CACHD1: variants seen among roughly 807,000 people sequenced by gnomAD.
CACHD1 encodes cache domain containing 1.
Under a neutral mutation model 138.7 loss-of-function variants are expected in CACHD1, and 71 were observed. The observed-to-expected ratio is 0.51, with a 90% CI of 0.42 to 0.62. The LOEUF (loss-of-function observed/expected upper bound fraction) is 0.62, where lower values mean the gene tolerates loss of function less well. CACHD1 is among the 20% of genes least tolerant of loss of function. CACHD1 has a pLI of 0.00. For synonymous variants in CACHD1, 578 were observed against 591.5 expected (o/e 0.98, Z 0.33); for missense variants, 1,389 against 1,625.3 (o/e 0.85, Z 2.50).
At position 64,509,241 on chromosome 1, in the gene CACHD1, G is replaced by A. The variant is rs9786947; in HGVS notation, c.198+38299G>A. On this transcript the variant is annotated intron_variant, in intron 1 of 26. Transcript: ENST00000651257. ...AGGCTCTATAACTCCCTCTACCTTG[G>A]CATCTTTCATGCCTGTGTTACCCGC... Among the ~76,000 whole-genome samples, 5 of 152,192 alleles carry A rather than the reference G, an allele frequency of 3.3e-5. No homozygotes were observed. The East Asian group carries it at 9.7e-4, about 29-fold the overall frequency.
At chr1:64,585,154 C>G (rs1373261097) in intron 3 of CACHD1, among the ~76,000 whole-genome samples, 1 of 152,152 alleles carries the variant, frequency 6.6e-6, no homozygotes, top group East Asian at 1.9e-4. Context: ...TGGTAAGATG[C>G]AGCCATGCTG....
At chr1:64,602,383 C>T (rs1352722550) in intron 3 of CACHD1, among the ~76,000 whole-genome samples, 1 of 151,980 alleles carries the variant, frequency 6.6e-6, no homozygotes, top group Non-Finnish European at 1.5e-5. Flanking sequence ...ACCTTCACTA[C>T]TGTCTATTTT....
chr1:64,479,926 C>G (rs1460110859), intron 1 of CACHD1, among the ~76,000 whole-genome samples: 9 of 152,188 alleles, frequency 5.9e-5, no homozygotes, highest in Admixed American at 3.3e-4. Context: ...AAGCTTAGAA[C>G]CTAGAAAACT....
intron 1 of CACHD1, among the ~76,000 whole-genome samples, chr1:64,477,870 G>T (rs7524498): frequency 6.7e-6 from 1 of 149,944 alleles, no homozygotes; most frequent in Non-Finnish European, 1.5e-5. Flanking sequence ...TCCTGACCTC[G>T]TGATCCACCC....
In CACHD1 at chr1:64,641,828, A is replaced by G. The variant is rs201561053; in HGVS notation, c.1015A>G (p.Met339Val). The G allele has an allele frequency of 6.8e-5, 96 of 1,403,638 alleles. No individual in the cohort carries two copies. Among genetic ancestry groups the G allele is most frequent in the Admixed American group, 4.6e-4 (20 of 43,658 alleles). The allele number at this position is 1,403,638 out of a possible 1,614,324, so 86.9% of individuals were successfully genotyped here. ...GATGTGTTTTTGTTTAGATACAGAC[A>G]TGGTCATCATTTACCTGTCAGCTGG... ...NNTKFQANTD[M>V]VIIYLSAGIT... The change falls in exon 8 of 27, where the codon ATG becomes GTG. Residue 339 changes from methionine (M) to valine (V), a missense_variant. Physicochemically the swap from Met to Val is conservative, Grantham distance 21. Coordinates refer to ENST00000651257, the MANE Select transcript of CACHD1 (RefSeq NM_020925.4).
chr1:64,528,224 G>T (rs1456423381), intron 1 of CACHD1, among the ~76,000 whole-genome samples: 1 of 152,172 alleles, frequency 6.6e-6, no homozygotes, highest in South Asian at 2.1e-4. Flanking sequence ...TTTCTGAAAG[G>T]AGGTCCAGCT....
In CACHD1 at chr1:64,614,174, A is replaced by C. The variant is rs559931719; in HGVS notation, c.517+11262A>C. ...TTGTCAAGTATTCACTAAGTACTAG[A>C]CCCCTGGCTGGGCATCTCCCTGTGC... On this transcript the variant is annotated intron_variant, in intron 4 of 26. Coordinates refer to ENST00000651257, the MANE Select transcript of CACHD1 (RefSeq NM_020925.4). Among the ~76,000 whole-genome samples, 3 of 152,292 alleles carry C rather than the reference A, an allele frequency of 2.0e-5. No individual in the cohort carries two copies. The East Asian group carries it at 5.8e-4, about 29-fold the overall frequency.
chr1:64,530,869 TA>T (rs1393982978), intron 1 of CACHD1, among the ~76,000 whole-genome samples: 152 of 114,096 alleles, frequency 1.3e-3, no homozygotes, highest in South Asian at 2.7e-3. Flanking sequence ...AGACTCTGTC[TA>T]AAAAAAAAAA....
At chr1:64,671,463 G>A in intron 16 of CACHD1, 101 bp from the exon 17 acceptor site, 1 of 1,208,688 alleles carries the variant, frequency 8.3e-7, no homozygotes, top group Non-Finnish European at 1.2e-6. Context: ...GGAACAGTGG[G>A]AAGGTATTTC....
chr1:64,536,928 C>T lies in CACHD1; in HGVS notation c.199-13666C>T, dbSNP rs75780131. Among the ~76,000 whole-genome samples, 370 of 152,132 alleles carry T rather than the reference C, an allele frequency of 2.4e-3. 1 individual carries two copies. Among genetic ancestry groups the T allele is most frequent in the African/African-American group, 8.3e-3 (343 of 41,500 alleles). ...GTTGGAGGCATGTTGCTGAAATTCC[C>T]GTGAGGAAACAGGCTCAGACGGTTT... On this transcript the variant is annotated intron_variant, in intron 1 of 26. Transcript: ENST00000651257.
intron 1 of CACHD1, among the ~76,000 whole-genome samples, chr1:64,513,653 A>T (rs1418598848): frequency 1.3e-5 from 2 of 152,216 alleles, no homozygotes; most frequent in Non-Finnish European, 2.9e-5. Flanking sequence ...CTCAAAGGAA[A>T]GAGTGCTTAC....
chr1:64,524,769 A>T (rs1038250687), intron 1 of CACHD1, among the ~76,000 whole-genome samples: 4 of 152,196 alleles, frequency 2.6e-5, no homozygotes, highest in Admixed American at 2.0e-4. Context: ...ATAACTCTGG[A>T]AGCAAAGACA....
chr1:64,660,789 C>G (rs1041121332), intron 13 of CACHD1, among the ~76,000 whole-genome samples: 21 of 152,160 alleles, frequency 1.4e-4, no homozygotes, highest in African/African-American at 5.1e-4. Context: ...CTTGGCCTCC[C>G]AAAGTGCTGG....
intron 2 of CACHD1, among the ~76,000 whole-genome samples, chr1:64,580,609 A>T (rs568175887): frequency 3.9e-5 from 6 of 152,276 alleles, no homozygotes; most frequent in African/African-American, 1.4e-4. Flanking sequence ...TAAAATGTGA[A>T]TTTTTTGCTT....
At chr1:64,546,927 C>G (rs182490976) in intron 1 of CACHD1, among the ~76,000 whole-genome samples, 1 of 151,490 alleles carries the variant, frequency 6.6e-6, no homozygotes, top group Non-Finnish European at 1.5e-5. Flanking sequence ...AAAAAAACCC[C>G]CAAATGCTCA....
chr1:64,674,462 C>T (rs1323212242), intron 19 of CACHD1, among the ~76,000 whole-genome samples: 7 of 152,162 alleles, frequency 4.6e-5, no homozygotes, highest in African/African-American at 7.2e-5. Flanking sequence ...GTAGATACTT[C>T]TCAAAAGGCA....
intron 11 of CACHD1, 120 bp downstream of exon 11, chr1:64,654,001 A>G: frequency 1.1e-6 from 1 of 897,264 alleles, no homozygotes; most frequent in African/African-American, 1.7e-5. Context: ...AATGTTATCA[A>G]AAGTATTCTC....
At chr1:64,666,757 T>A (rs1300298003) in intron 16 of CACHD1, among the ~76,000 whole-genome samples, 1 of 149,752 alleles carries the variant, frequency 6.7e-6, no homozygotes, top group Non-Finnish European at 1.5e-5. Flanking sequence ...ACACTTGTAT[T>A]CCTAGTAACT....
At chr1:64,682,753 A>T (rs1650234334) in intron 26 of CACHD1, among the ~76,000 whole-genome samples, 1 of 152,198 alleles carries the variant, frequency 6.6e-6, no homozygotes, top group Non-Finnish European at 1.5e-5. Context: ...AGACTTGGCC[A>T]TCCCACATGG....
Sources: allele counts gnomAD v4.1 joint callset (sites outside exome capture counted in the v4.1 genomes callset), GRCh38; gene constraint gnomAD v4.1.1; transcripts MANE v1.5; gene names NCBI Gene and HGNC (gene_info 2026-07-23, HGNC 2026-07-21).